The following CNTNAP2 variants were observed in gnomAD, a reference collection of about 807,000 sequenced individuals.
CNTNAP2 encodes the protein contactin-associated protein-like 2.
CNTNAP2 carries 98 observed loss-of-function variants against 155.2 expected under a neutral mutation model. The observed-to-expected ratio is 0.63, with a 90% confidence interval of 0.54 to 0.75. The LOEUF (loss-of-function observed/expected upper bound fraction) is 0.75, where lower values mean the gene tolerates loss of function less well. Among genes scored for constraint, CNTNAP2 ranks in the 30% least tolerant of loss-of-function variants. CNTNAP2 has a pLI of 0.00. For synonymous variants in CNTNAP2, 651 were observed against 631.2 expected, an observed-to-expected ratio of 1.03 and a Z score of -0.47; for missense variants, 1,727 against 1,688.1, an observed-to-expected ratio of 1.02 and a Z score of -0.40.
chr7:148,409,238 G>C (rs1027931559), intron 22 of CNTNAP2, among the ~76,000 whole-genome samples, 153 bp from the exon 23 acceptor site: 2 of 152,224 alleles, frequency 1.3e-5, no homozygotes, highest in Non-Finnish European at 2.9e-5. Context: ...TGTGATTCTT[G>C]TGGGAGACAA....
At chr7:147,973,182 G>A (rs1267517763) in intron 14 of CNTNAP2, among the ~76,000 whole-genome samples, 54 of 91,118 alleles carry the variant, frequency 5.9e-4, no homozygotes, top group South Asian at 1.6e-3. Flanking sequence ...AAAAAAAAAA[G>A]TAGGTTGTGC....
intron 13 of CNTNAP2, among the ~76,000 whole-genome samples, chr7:147,805,025 C>T (rs1462056479): frequency 6.6e-6 from 1 of 152,120 alleles, no homozygotes; most frequent in Non-Finnish European, 1.5e-5. Context: ...CCTCTTGTTT[C>T]TGCTTTCCAA....
intron 13 of CNTNAP2, among the ~76,000 whole-genome samples, chr7:147,726,918 G>C (rs1796653118): frequency 6.6e-6 from 1 of 151,822 alleles, no homozygotes; most frequent in Non-Finnish European, 1.5e-5. Flanking sequence ...TTTCTAAATG[G>C]GAAATGGGTT....
At chr7:146,411,194 T>C (rs1795860033) in intron 1 of CNTNAP2, among the ~76,000 whole-genome samples, 1 of 150,838 alleles carries the variant, frequency 6.6e-6, no homozygotes, top group South Asian at 2.1e-4. Context: ...TCTTGCTCCG[T>C]TGCCCAGGCT....
intron 3 of CNTNAP2, among the ~76,000 whole-genome samples, chr7:146,889,816 C>A (rs1203695343): frequency 1.3e-5 from 2 of 152,130 alleles, no homozygotes; most frequent in Non-Finnish European, 2.9e-5. Flanking sequence ...ATACTTTCTT[C>A]ATCAATCCCC....
chr7:147,531,219 T>C (rs1799425659), intron 11 of CNTNAP2, among the ~76,000 whole-genome samples: 1 of 152,176 alleles, frequency 6.6e-6, no homozygotes, highest in Non-Finnish European at 1.5e-5. Flanking sequence ...TCAGTGGATC[T>C]AACATTTTGG....
At chr7:148,300,196 A>G (rs1043802070) in intron 21 of CNTNAP2, among the ~76,000 whole-genome samples, 4 of 152,232 alleles carry the variant, frequency 2.6e-5, no homozygotes, top group African/African-American at 9.6e-5. Flanking sequence ...AATCCTTGAC[A>G]TTGGATTCTT....
At chr7:148,067,146 A>T (rs1459877461) in intron 15 of CNTNAP2, among the ~76,000 whole-genome samples, 1 of 152,154 alleles carries the variant, frequency 6.6e-6, no homozygotes, top group Non-Finnish European at 1.5e-5. Flanking sequence ...CTGGCGAGCT[A>T]GTGTGATCTT....
intron 21 of CNTNAP2, among the ~76,000 whole-genome samples, chr7:148,345,672 C>T (rs1339518047): frequency 3.3e-5 from 5 of 152,094 alleles, no homozygotes; most frequent in East Asian, 1.9e-4. Flanking sequence ...CGTGAGCCAC[C>T]GTGCCCGGCC....
At chr7:148,078,726 C>T (rs564627227) in intron 15 of CNTNAP2, among the ~76,000 whole-genome samples, 1 of 152,178 alleles carries the variant, frequency 6.6e-6, no homozygotes, top group Non-Finnish European at 1.5e-5. Context: ...GATGATCCAC[C>T]AGCCTCGGCC....
chr7:147,622,181 T>C (rs529997695), intron 12 of CNTNAP2, among the ~76,000 whole-genome samples: 1 of 152,028 alleles, frequency 6.6e-6, no homozygotes, highest in African/African-American at 2.4e-5. Context: ...CCCAATACAA[T>C]AATAACTAGA....
intron 1 of CNTNAP2, among the ~76,000 whole-genome samples, chr7:146,268,257 G>A (rs978896392): frequency 2.0e-5 from 3 of 152,114 alleles, no homozygotes; most frequent in Non-Finnish European, 4.4e-5. Flanking sequence ...GGTGTTTATC[G>A]TAGTTACCTT....
intron 1 of CNTNAP2, among the ~76,000 whole-genome samples, chr7:146,582,610 G>T (rs1413262506): frequency 6.6e-6 from 1 of 152,076 alleles, no homozygotes; most frequent in East Asian, 1.9e-4. Context: ...TTTTTCACAT[G>T]GACAACTCTA....
intron 18 of CNTNAP2, among the ~76,000 whole-genome samples, chr7:148,181,455 G>C (rs1795036804): frequency 1.3e-5 from 2 of 152,094 alleles, no homozygotes; most frequent in Admixed American, 6.6e-5. Flanking sequence ...AAATAATTTT[G>C]ACTTAATTCA....
intron 8 of CNTNAP2, among the ~76,000 whole-genome samples, chr7:147,157,558 T>C (rs1033129140): frequency 1.3e-5 from 2 of 152,168 alleles, no homozygotes; most frequent in Non-Finnish European, 2.9e-5. Context: ...ATTTCCCTTA[T>C]TGAACTCTGC....
chr7:147,871,808 T>C (rs1799332453), intron 13 of CNTNAP2, among the ~76,000 whole-genome samples: 1 of 152,186 alleles, frequency 6.6e-6, no homozygotes, highest in African/African-American at 2.4e-5. Context: ...GGAATTTATT[T>C]TGCACAATTT....
chr7:147,393,416 A>G (rs1796756434), intron 9 of CNTNAP2, among the ~76,000 whole-genome samples: 1 of 151,696 alleles, frequency 6.6e-6, no homozygotes, highest in Admixed American at 6.6e-5. Flanking sequence ...TTTTATTTTC[A>G]CACATACATC....
intron 1 of CNTNAP2, among the ~76,000 whole-genome samples, chr7:146,753,531 G>C (rs1801942022): frequency 6.6e-6 from 1 of 151,934 alleles, no homozygotes; most frequent in Non-Finnish European, 1.5e-5. Context: ...AGAAATATTG[G>C]AATGATTTGA....
At chr7:146,949,303 A>G (rs1399145133) in intron 3 of CNTNAP2, among the ~76,000 whole-genome samples, 1 of 152,214 alleles carries the variant, frequency 6.6e-6, no homozygotes, top group African/African-American at 2.4e-5. Context: ...TTTCCCCTAT[A>G]CGGAAACAGA....
Sources: allele counts gnomAD v4.1 joint callset (sites outside exome capture counted in the v4.1 genomes callset), GRCh38; gene constraint gnomAD v4.1.1; transcripts MANE v1.5; gene names NCBI Gene and HGNC (gene_info 2026-07-23, HGNC 2026-07-21).